Variants in RAB30 observed in about 807,000 individuals in gnomAD.
RAB30 encodes ras-related protein Rab-30.
A neutral mutation model predicts 25.1 loss-of-function variants in RAB30; 9 were observed. The observed-to-expected ratio is 0.36, with a 90% CI of 0.22 to 0.63. RAB30 has a LOEUF of 0.63. RAB30 is among the 20% of genes least tolerant of loss of function. RAB30 has a pLI of 0.69. For synonymous variants in RAB30, 77 were observed against 86.4 expected, an observed-to-expected ratio of 0.89 and a Z score of 0.60; for missense variants, 140 against 243.5, an observed-to-expected ratio of 0.58 and a Z score of 2.83.
rs1243911896 is a variant in RAB30, at chr11:83,065,656, T to C, written c.-9+6035A>G. ...AATCAGGTTGTGTAGTTACACTAAA[T>C]TATCTTTTTCCTCATTTTGTCACTG... is the stretch of plus-strand genomic sequence containing the variant. On this transcript the variant is annotated intron_variant, in intron 1 of 4. Coordinates refer to ENST00000527633, the MANE Select transcript of RAB30 (RefSeq NM_001286060.2). Among the ~76,000 whole-genome samples the C allele has an allele frequency of 2.0e-5, 3 of 152,240 alleles. No homozygotes were observed. In the East Asian group the frequency reaches 5.8e-4, roughly 29 times the overall value.
chr11:82,987,869 C>A (rs1207255456), intron 3 of RAB30, 99 bp from the exon 4 acceptor site: 3 of 309,034 alleles, frequency 9.7e-6, no homozygotes, highest in Non-Finnish European at 1.7e-5. Flanking sequence ...AATGGGTACA[C>A]CTTTACCCAA....
chr11:83,012,403 A>G (rs1357688097), intron 1 of RAB30, among the ~76,000 whole-genome samples: 1 of 152,198 alleles, frequency 6.6e-6, no homozygotes, highest in Non-Finnish European at 1.5e-5. Context: ...AAGAAGTAGT[A>G]CAGTGCCCTG....
At chr11:83,001,986 T>C (rs1857096286) in intron 1 of RAB30, among the ~76,000 whole-genome samples, 1 of 152,190 alleles carries the variant, frequency 6.6e-6, no homozygotes, top group Non-Finnish European at 1.5e-5. Context: ...GTACTCATAT[T>C]ATTATCCCTA....
intron 3 of RAB30, among the ~76,000 whole-genome samples, chr11:82,990,103 A>C (rs142816701): frequency 0.016 from 2,397 of 152,332 alleles, 67 homozygotes; most frequent in African/African-American, 0.055. Context: ...ATATGTTTTC[A>C]ATACTGTAGC....
At chr11:82,992,409 G>A (rs1265032782) in intron 3 of RAB30, 3 of 455,702 alleles carry the variant, frequency 6.6e-6, no homozygotes, top group Non-Finnish European at 8.8e-6. Flanking sequence ...AGTCAGGGCT[G>A]GAAGAGACAC....
chr11:83,054,089 G>GTAAA (rs144019983), intron 1 of RAB30, among the ~76,000 whole-genome samples: 1,548 of 152,090 alleles, frequency 0.01, 15 homozygotes, highest in Middle Eastern at 0.044. Context: ...GGGAGACTCT[G>GTAAA]TAAATAAATA....
chr11:83,038,552 G>A (rs577826736), intron 1 of RAB30, among the ~76,000 whole-genome samples: 1 of 152,240 alleles, frequency 6.6e-6, no homozygotes, highest in Admixed American at 6.5e-5. Flanking sequence ...TGGGTGCAGT[G>A]GCGCACACCT....
At chr11:83,038,646 C>A (rs1008529995) in intron 1 of RAB30, 14 of 152,080 alleles carry the variant, frequency 9.2e-5, no homozygotes, top group African/African-American at 2.7e-4. Flanking sequence ...CACGGTGAAA[C>A]CCTGTCTCTA....
At chr11:83,049,224 AC>A (rs1407015012) in intron 1 of RAB30, among the ~76,000 whole-genome samples, 2 of 152,082 alleles carry the variant, frequency 1.3e-5, no homozygotes, top group African/African-American at 2.4e-5. Flanking sequence ...ATCCTGGCCA[AC>A]ATGGTGAAAC....
At position 82,977,197 on chromosome 11, in the gene RAB30, C is replaced by T. The variant is rs572945123; in HGVS notation, c.*4968G>A. The T allele has an allele frequency of 2.0e-5, 3 of 152,148 alleles. No homozygotes were observed. The highest frequency in any genetic ancestry group is 1.3e-4 in the Admixed American group (2 of 15,274). The allele number at this position is 152,148 out of a possible 1,614,324, so 9.4% of individuals were successfully genotyped here. A position where few individuals can be genotyped will look rare whatever the true frequency, so the allele number is the denominator to read the frequency against. ...TCATGTAACTTCTACTAAAACAATA[C>T]CTTTTGATTCAACAGGACATCAATG... On this transcript the variant is annotated 3_prime_UTR_variant, in exon 5 of 5. Coordinates refer to ENST00000527633, the MANE Select transcript of RAB30 (RefSeq NM_001286060.2).
At chr11:83,067,955 C>A (rs1414653410) in intron 1 of RAB30, among the ~76,000 whole-genome samples, 1 of 151,864 alleles carries the variant, frequency 6.6e-6, no homozygotes, top group Non-Finnish European at 1.5e-5. Flanking sequence ...TGGTGAGACC[C>A]TATCTCTACT....
intron 1 of RAB30, among the ~76,000 whole-genome samples, chr11:83,042,556 A>G (rs1222573309): frequency 6.6e-6 from 1 of 152,148 alleles, no homozygotes; most frequent in Non-Finnish European, 1.5e-5. Flanking sequence ...CCATCTCCAA[A>G]AAAAACAAAA....
chr11:83,062,499 T>C (rs970339218), intron 1 of RAB30, among the ~76,000 whole-genome samples: 9 of 152,184 alleles, frequency 5.9e-5, no homozygotes, highest in African/African-American at 1.9e-4. Flanking sequence ...TTAGACAACA[T>C]GAGACAGAAT....
chr11:83,021,155 T>C (rs912812822), intron 1 of RAB30, among the ~76,000 whole-genome samples: 5 of 152,210 alleles, frequency 3.3e-5, no homozygotes, highest in African/African-American at 1.2e-4. Flanking sequence ...ATAAAGCTCC[T>C]CTCTGTCTTG....
At chr11:83,070,624 T>C (rs1252702863) in intron 1 of RAB30, among the ~76,000 whole-genome samples, 1 of 152,066 alleles carries the variant, frequency 6.6e-6, no homozygotes, top group Non-Finnish European at 1.5e-5. Flanking sequence ...CAGCTGTTTA[T>C]CTCAAAGTAA....
chr11:83,053,740 T>C (rs777557056), intron 1 of RAB30, among the ~76,000 whole-genome samples: 7 of 152,228 alleles, frequency 4.6e-5, no homozygotes, highest in Non-Finnish European at 1.0e-4. Context: ...CTGTCATATA[T>C]GACTAAATTT....
chr11:82,994,204 A>G (rs1002000780), intron 2 of RAB30, 82 bp from the exon 3 acceptor site: 1 of 1,179,930 alleles, frequency 8.5e-7, no homozygotes, highest in Non-Finnish European at 1.3e-6. Flanking sequence ...AGCAACACCC[A>G]TCACCGGAGT....
At chr11:82,984,997 A>G (rs923360743) in intron 4 of RAB30, among the ~76,000 whole-genome samples, 1 of 152,234 alleles carries the variant, frequency 6.6e-6, no homozygotes, top group Admixed American at 6.5e-5. Flanking sequence ...TTAGTTTTTG[A>G]GACAGAGTCT....
intron 1 of RAB30, among the ~76,000 whole-genome samples, chr11:83,053,061 C>T (rs1858388763): frequency 6.6e-6 from 1 of 152,164 alleles, no homozygotes; most frequent in South Asian, 2.1e-4. Context: ...GAAGAGCTGG[C>T]CTCCCCTAAC....
Sources: gnomAD v4.1 joint callset for allele counts (sites outside exome capture counted in the v4.1 genomes callset) on GRCh38, gnomAD v4.1.1 for gene constraint, MANE v1.5 for transcripts, NCBI Gene and HGNC (gene_info 2026-07-23, HGNC 2026-07-21) for gene names.